MBD3: variants seen among roughly 807,000 people sequenced by gnomAD.
The protein encoded by MBD3 is methyl-CpG binding domain protein 3.
MBD3 carries 13 observed loss-of-function variants against 31.2 expected under a neutral mutation model. That is an observed-to-expected ratio of 0.42 (90% confidence interval 0.27 to 0.66). MBD3 has a LOEUF of 0.66. MBD3 is among the 30% of genes least tolerant of loss of function. The pLI is 0.26. For synonymous variants in MBD3, 223 were observed against 187.4 expected (o/e 1.19, Z -1.55); for missense variants, 440 against 426.5 (o/e 1.03, Z -0.28).
At position 1,592,729 on chromosome 19, in the gene MBD3, C is replaced by T. The variant is rs2060712187; in HGVS notation, c.-98G>A. On this transcript the variant is annotated 5_prime_UTR_variant, in exon 1 of 7. Coordinates refer to ENST00000434436, the MANE Select transcript of MBD3 (RefSeq NM_001281453.2). ...GCTGCCTCCGCTGCCGCTGCCGCCGCCGCCACTTGCCGCGGCTGTTCCGGC... is the reference window on the plus strand; with the variant it reads ...GCTGCCTCCGCTGCCGCTGCCGCCGTCGCCACTTGCCGCGGCTGTTCCGGC... 7.8e-6 allele frequency: 2 copies of T among 257,740 alleles called. No homozygotes were observed. The highest frequency in any genetic ancestry group is 1.2e-5 in the Non-Finnish European group (2 of 165,540). The allele number at this position is 257,740 out of a possible 1,614,324, so 16.0% of individuals were successfully genotyped here.
In MBD3 at chr19:1,582,328, T is replaced by C. The variant is rs1020380572; in HGVS notation, c.499+294A>G. Among the ~76,000 whole-genome samples, 6 of 152,260 alleles carry C rather than the reference T, an allele frequency of 3.9e-5. No individual in the cohort carries two copies. The South Asian group carries it at 6.2e-4, about 16-fold the overall frequency. On this transcript the variant is annotated intron_variant, in intron 4 of 6. Coordinates refer to ENST00000434436, the MANE Select transcript of MBD3 (RefSeq NM_001281453.2). ...CTTGTTTGTTTATTTAGGATCTCCATGGCAAAACTGCACGTCCTGCAGGTG... is the reference window on the plus strand; with the variant it reads ...CTTGTTTGTTTATTTAGGATCTCCACGGCAAAACTGCACGTCCTGCAGGTG...
chr19:1,581,250 C>T lies in MBD3; in HGVS notation c.519G>A (p.Thr173=), dbSNP rs1222953240. ...KGLQGVGPGC[T]DETLLSAIAS... The stretch of plus-strand genomic sequence containing the variant: ...CGATGGCCGACAGCAGCGTCTCATC[C>T]GTGCAGCCAGGTCCCACCCCTGCCA... Residue 173 remains threonine, a synonymous_variant, in exon 5 of 7, where the codon ACG becomes ACA. Coordinates refer to ENST00000434436, the MANE Select transcript of MBD3 (RefSeq NM_001281453.2). 12 of 1,609,846 alleles carry T rather than the reference C, an allele frequency of 7.5e-6. No individual in the cohort carries two copies. The highest frequency in any genetic ancestry group is 2.7e-5 in the African/African-American group (2 of 74,934).
intron 1 of MBD3, chr19:1,592,194 C>T (rs2060706968): frequency 6.5e-6 from 1 of 152,816 alleles, no homozygotes; most frequent in East Asian, 1.9e-4. Flanking sequence ...CTCACGGGAA[C>T]CAAAGGGACA....
At position 1,575,235 on chromosome 19, in the gene MBD3, G is replaced by C. The variant is rs964115143; in HGVS notation, c.*2929C>G. Reference sequence around the variant, plus strand: ...ACCTGAGGTTAGGAGTTCCAGACCAGACTGGCCAACATGGTGAAACCCTGT... The same window carrying C: ...ACCTGAGGTTAGGAGTTCCAGACCACACTGGCCAACATGGTGAAACCCTGT... On this transcript the variant is annotated 3_prime_UTR_variant, in exon 7 of 7. Transcript: ENST00000434436. 1.2e-5 allele frequency: 5 copies of C among 428,648 alleles called. No homozygotes were observed. The highest frequency in any genetic ancestry group is 1.0e-4 in the African/African-American group (5 of 49,414). The allele number at this position is 428,648 out of a possible 1,614,324, so 26.6% of individuals were successfully genotyped here. A position where few individuals can be genotyped will look rare whatever the true frequency, so the allele number is the denominator to read the frequency against.
chr19:1,582,909 A>G (rs1011729477), intron 3 of MBD3, among the ~76,000 whole-genome samples, 197 bp from the exon 4 acceptor site: 4 of 152,140 alleles, frequency 2.6e-5, no homozygotes, highest in African/African-American at 7.2e-5. Context: ...ACGTTTGTAA[A>G]TAAGAATAAA....
intron 4 of MBD3, among the ~76,000 whole-genome samples, chr19:1,582,407 G>A (rs1356695420): frequency 6.6e-6 from 1 of 152,004 alleles, no homozygotes; most frequent in Admixed American, 6.6e-5. Flanking sequence ...CCACCCGCAG[G>A]GTCTCCAAGG....
At chr19:1,584,442 C>G in intron 3 of MBD3, 98 bp downstream of exon 3, 2 of 1,548,096 alleles carry the variant, frequency 1.3e-6, no homozygotes, top group East Asian at 4.5e-5. Flanking sequence ...CTCCTGCGCT[C>G]ACTACGTCCG....
intron 5 of MBD3, among the ~76,000 whole-genome samples, chr19:1,579,950 G>A (rs1917311518): frequency 6.6e-6 from 1 of 152,132 alleles, no homozygotes. Context: ...TGGAGACGGG[G>A]TTTCACCATG....
rs777602939 is a variant in MBD3, at chr19:1,578,319, C to A, written c.*5+16G>T. 6.2e-7 allele frequency: 1 copy of A among 1,601,060 alleles called. No homozygotes were observed. The highest frequency in any genetic ancestry group is 1.3e-5 in the African/African-American group (1 of 74,994). On this transcript the variant is annotated intron_variant, in intron 6 of 6. Transcript: ENST00000434436. This position sits in a 1 kb window ranked among gnomAD's most constrained non-coding sequence, Gnocchi z 6.1. Reference sequence around the variant, plus strand: ...CCAGGACCCGACTCCAGGGAGCCCCCGTGGCCCCGCAGCACCTGCCCTAGA... The same window carrying A: ...CCAGGACCCGACTCCAGGGAGCCCCAGTGGCCCCGCAGCACCTGCCCTAGA...
rs1238222257 is a variant in MBD3 at position 1,592,597 on chromosome 19, G to A, written c.35C>T (p.Pro12Leu). 1.4e-6 allele frequency: 2 copies of A among 1,409,402 alleles called. No individual in the cohort carries two copies. Among genetic ancestry groups the A allele is most frequent in the Admixed American group, 2.0e-5 (1 of 48,820 alleles). 87.3% of individuals were successfully genotyped at this position (1,409,402 alleles called of 1,614,324 possible). A position where few individuals can be genotyped will look rare whatever the true frequency, so the allele number is the denominator to read the frequency against. ...CACTTCTTCCCTCTCCCAGCCCTGC[G>A]GGAGCGCCGGGCACTCCCACCTCTT... ...ERKRWECPALPQGWEREEVPR... is the reference protein window; with the variant it reads ...ERKRWECPALLQGWEREEVPR... Residue 12 changes from proline to leucine, a missense_variant, in exon 1 of 7, where the codon CCG becomes CTG. By Grantham distance (98) the Pro-to-Leu change is moderately conservative. Coordinates refer to ENST00000434436, the MANE Select transcript of MBD3 (RefSeq NM_001281453.2).
At chr19:1,579,787 T>C (rs754314437) in intron 5 of MBD3, among the ~76,000 whole-genome samples, 9 of 152,168 alleles carry the variant, frequency 5.9e-5, no homozygotes, top group South Asian at 2.1e-4. Flanking sequence ...TAAGTTCTTA[T>C]TTTATTTTTT....
At chr19:1,592,176 C>G (rs2060706869) in intron 1 of MBD3, 2 of 152,488 alleles carry the variant, frequency 1.3e-5, no homozygotes, top group Admixed American at 1.3e-4. Context: ...AGAAGGCACC[C>G]CCTGCGTCTC....
At chr19:1,580,837 C>T (rs1204280210) in intron 5 of MBD3, among the ~76,000 whole-genome samples, 1 of 152,226 alleles carries the variant, frequency 6.6e-6, no homozygotes. Context: ...CATAGCCAGT[C>T]CTCACGGACT....
chr19:1,580,296 C>T (rs893826328), intron 5 of MBD3, among the ~76,000 whole-genome samples: 1 of 152,186 alleles, frequency 6.6e-6, no homozygotes, highest in Non-Finnish European at 1.5e-5. Flanking sequence ...AGTTTGTGTG[C>T]TTGTGGGGGT....
Position 1,575,262 on chromosome 19 carries a change from T to C in MBD3, c.*2902A>G, listed in dbSNP as rs1915875816. 1 of 429,060 alleles carries C rather than the reference T, an allele frequency of 2.3e-6. No individual in the cohort carries two copies. Among genetic ancestry groups the C allele is most frequent in the Non-Finnish European group, 4.8e-6 (1 of 208,444 alleles). 26.6% of individuals were successfully genotyped at this position (429,060 alleles called of 1,614,324 possible). The stretch of plus-strand genomic sequence containing the variant: ...CTGGCCAACATGGTGAAACCCTGTC[T>C]CTATTAAAAATACAAAAATTAGCTG... On this transcript the variant is annotated 3_prime_UTR_variant, in exon 7 of 7. Transcript: ENST00000434436.
chr19:1,581,556 AAC>A, intron 4 of MBD3: 1 of 506,648 alleles, frequency 2.0e-6, no homozygotes, highest in Non-Finnish European at 3.6e-6. Flanking sequence ...CAGCCTGGAC[AAC>A]ACAGTGAGAC....
At chr19:1,584,715 C>T in intron 2 of MBD3, 38 bp from the exon 3 acceptor site, 2 of 1,597,416 alleles carry the variant, frequency 1.3e-6, no homozygotes, top group Non-Finnish European at 1.7e-6. Flanking sequence ...CCTGGGGGCG[C>T]CCCGGCGGCG....
chr19:1,584,875 T>C, intron 2 of MBD3, 180 bp downstream of exon 2: 1 of 1,052,582 alleles, frequency 9.5e-7, no homozygotes, highest in Non-Finnish European at 1.3e-6. Context: ...GCGGGCCGCG[T>C]CCTCGCCATG....
rs888667365 is a variant in MBD3 at position 1,575,895 on chromosome 19, T to A, written c.*2269A>T. ...TGGCAGGGGTAGGGATCATCACATCTCAGACCAAGGCCAGGACATGGCCAG... is the reference window on the plus strand; with the variant it reads ...TGGCAGGGGTAGGGATCATCACATCACAGACCAAGGCCAGGACATGGCCAG... On this transcript the variant is annotated 3_prime_UTR_variant, in exon 7 of 7. Coordinates refer to ENST00000434436, the MANE Select transcript of MBD3 (RefSeq NM_001281453.2). 3.3e-5 allele frequency: 5 copies of A among 152,126 alleles called. No homozygotes were observed. Among genetic ancestry groups the A allele is most frequent in the African/African-American group, 1.2e-4 (5 of 41,342 alleles). 9.4% of individuals were successfully genotyped at this position (152,126 alleles called of 1,614,324 possible).
Sources: allele counts gnomAD v4.1 joint callset (sites outside exome capture counted in the v4.1 genomes callset), GRCh38; gene constraint gnomAD v4.1.1; non-coding constraint Gnocchi (gnomAD v3.1); transcripts MANE v1.5; gene names NCBI Gene and HGNC (gene_info 2026-07-23, HGNC 2026-07-21).